The following TAFA2 variants were observed in gnomAD, a reference collection of about 807,000 sequenced individuals.
The protein encoded by TAFA2 is chemokine-like protein TAFA-2.
A neutral mutation model predicts 18.8 loss-of-function variants in TAFA2; 7 were observed. That is an observed-to-expected ratio of 0.37 (90% CI 0.21 to 0.70). The LOEUF is 0.70. Among genes scored for constraint, TAFA2 ranks in the 30% least tolerant of loss-of-function variants. The probability of loss-of-function intolerance (pLI) is 0.53; values close to 1 mark genes in which losing one functional copy is unlikely to be tolerated. For missense variants in TAFA2, 122 were observed against 158.1 expected (o/e 0.77, Z 1.23); for synonymous variants, 60 against 54.2 (o/e 1.11, Z -0.47).
intron 1 of TAFA2, among the ~76,000 whole-genome samples, chr12:62,159,169 G>A (rs567236006): frequency 6.6e-6 from 1 of 152,290 alleles, no homozygotes; most frequent in South Asian, 2.1e-4. Context: ...TAAAAGACAC[G>A]TTTTTAAGGT....
At chr12:61,826,046 C>T (rs2121071397) in intron 2 of TAFA2, among the ~76,000 whole-genome samples, 1 of 152,058 alleles carries the variant, frequency 6.6e-6, no homozygotes, top group East Asian at 1.9e-4. Flanking sequence ...TAATACAGTA[C>T]CCTGAGTTGA....
chr12:61,979,876 G>A (rs1038754609), intron 1 of TAFA2, among the ~76,000 whole-genome samples: 21 of 152,022 alleles, frequency 1.4e-4, no homozygotes, highest in African/African-American at 4.3e-4. Flanking sequence ...CTCTGCAAAA[G>A]AAGTTTCATG....
At chr12:61,871,461 CATTT>C (rs2121232161) in intron 1 of TAFA2, among the ~76,000 whole-genome samples, 1 of 152,292 alleles carries the variant, frequency 6.6e-6, no homozygotes, top group East Asian at 1.9e-4. Flanking sequence ...CTGCCACATT[CATTT>C]GTGAAAACGG....
chr12:62,028,198 G>T (rs1054694966), intron 1 of TAFA2, among the ~76,000 whole-genome samples: 1 of 152,088 alleles, frequency 6.6e-6, no homozygotes, highest in South Asian at 2.1e-4. Context: ...GTATCCAAAG[G>T]CAAGTGTGAA....
intron 1 of TAFA2, among the ~76,000 whole-genome samples, chr12:62,249,152 C>T (rs1253862219): frequency 4.6e-5 from 7 of 151,898 alleles, no homozygotes; most frequent in Non-Finnish European, 1.0e-4. Flanking sequence ...GTGACCCTCA[C>T]CCAGTATCTT....
At chr12:61,890,874 A>C (rs769717091) in intron 1 of TAFA2, among the ~76,000 whole-genome samples, 1 of 152,154 alleles carries the variant, frequency 6.6e-6, no homozygotes, top group Non-Finnish European at 1.5e-5. Flanking sequence ...ACATCGTAGC[A>C]TAAGTGCCAG....
At chr12:62,169,773 C>T (rs1425793043) in intron 1 of TAFA2, among the ~76,000 whole-genome samples, 2 of 151,180 alleles carry the variant, frequency 1.3e-5, no homozygotes, top group Admixed American at 6.6e-5. Flanking sequence ...ATGGCATGAA[C>T]CCGGGAGGCG....
At chr12:62,023,262 C>T (rs2136733169) in intron 1 of TAFA2, among the ~76,000 whole-genome samples, 1 of 152,172 alleles carries the variant, frequency 6.6e-6, no homozygotes, top group Non-Finnish European at 1.5e-5. Flanking sequence ...GGAGGGTGAA[C>T]AGCTACTGTG....
At chr12:61,933,782 C>T (rs1300053633) in intron 1 of TAFA2, among the ~76,000 whole-genome samples, 1 of 152,146 alleles carries the variant, frequency 6.6e-6, no homozygotes, top group Non-Finnish European at 1.5e-5. Flanking sequence ...ACAATAATGA[C>T]CTTTTGTTGA....
intron 1 of TAFA2, among the ~76,000 whole-genome samples, chr12:62,171,927 C>A (rs1361447205): frequency 6.6e-6 from 1 of 152,070 alleles, no homozygotes; most frequent in African/African-American, 2.4e-5. Context: ...ATATATTTAT[C>A]TATTATAATA....
intron 1 of TAFA2, among the ~76,000 whole-genome samples, chr12:61,903,751 T>A (rs1876217830): frequency 6.6e-6 from 1 of 152,096 alleles, no homozygotes; most frequent in African/African-American, 2.4e-5. Flanking sequence ...ATTCTACAGT[T>A]TTTTTGTATG....
Position 61,943,832 on chromosome 12 carries a change from T to A in TAFA2, c.-1-76406A>T, listed in dbSNP as rs1267511807. On this transcript the variant is annotated intron_variant, in intron 1 of 4. Transcript: ENST00000416284. ...GTCCTGAGTGACCTACAAAGAGACT[T>A]AGACTCCCACACATTAATAATGGGA... Among the ~76,000 whole-genome samples the A allele has an allele frequency of 1.4e-4, 17 of 118,048 alleles. 1 individual carries two copies. The highest frequency in any genetic ancestry group is 1.1e-3 in the Admixed American group (12 of 11,212). 77.4% of individuals were successfully genotyped at this position (118,048 alleles called of 152,430 possible).
At chr12:62,245,900 C>T (rs987774154) in intron 1 of TAFA2, among the ~76,000 whole-genome samples, 1 of 150,132 alleles carries the variant, frequency 6.7e-6, no homozygotes, top group Non-Finnish European at 1.5e-5. Context: ...AATTTTAGCT[C>T]ATTAGTTTTC....
intron 1 of TAFA2, among the ~76,000 whole-genome samples, chr12:62,257,642 C>T (rs1471534303): frequency 1.3e-5 from 2 of 152,096 alleles, no homozygotes; most frequent in African/African-American, 4.8e-5. Context: ...CTCTAGGTTA[C>T]GTTTTAAATT....
intron 2 of TAFA2, chr12:61,776,177 C>T: frequency 3.2e-6 from 1 of 315,830 alleles, no homozygotes; most frequent in South Asian, 3.3e-5. Context: ...TGATTCTTGC[C>T]AAAAGAATTA....
chr12:62,145,520 G>A (rs1054276219), intron 1 of TAFA2: 2 of 152,192 alleles, frequency 1.3e-5, no homozygotes, highest in South Asian at 4.1e-4. Flanking sequence ...GGGGACCACT[G>A]ATATAAGGGA....
chr12:61,873,764 C>G (rs998880819), intron 1 of TAFA2, among the ~76,000 whole-genome samples: 1 of 152,092 alleles, frequency 6.6e-6, no homozygotes, highest in African/African-American at 2.4e-5. Context: ...TCATGTCTAA[C>G]CTGACTAGAA....
intron 1 of TAFA2, among the ~76,000 whole-genome samples, chr12:62,200,698 C>T (rs1417283575): frequency 6.6e-6 from 1 of 152,132 alleles, no homozygotes; most frequent in African/African-American, 2.4e-5. Context: ...ATGCCTCCAG[C>T]TTTGTTCTTT....
At chr12:62,050,195 C>A (rs1431483262) in intron 1 of TAFA2, among the ~76,000 whole-genome samples, 2 of 152,078 alleles carry the variant, frequency 1.3e-5, no homozygotes. Context: ...TGAGACCATG[C>A]CCTCCGACCT....
Sources: gnomAD v4.1 joint callset for allele counts (sites outside exome capture counted in the v4.1 genomes callset) on GRCh38, gnomAD v4.1.1 for gene constraint, MANE v1.5 for transcripts, NCBI Gene and HGNC (gene_info 2026-07-23, HGNC 2026-07-21) for gene names.